Variants in RNF150 observed in about 807,000 individuals in gnomAD.
The protein encoded by RNF150 is ring finger protein 150.
Under a neutral mutation model 39.3 loss-of-function variants are expected in RNF150, and 24 were observed. The observed-to-expected ratio is 0.61, with a 90% CI of 0.44 to 0.86. RNF150 has a LOEUF of 0.86. RNF150 is among the 40% of genes least tolerant of loss of function. RNF150 has a pLI of 0.00. For synonymous variants in RNF150, 255 were observed against 227.3 expected (o/e 1.12, Z -1.10); for missense variants, 502 against 587.8 (o/e 0.85, Z 1.51).
intron 1 of RNF150, among the ~76,000 whole-genome samples, chr4:141,181,329 C>G (rs1233883960): frequency 6.6e-6 from 1 of 152,152 alleles, no homozygotes. Context: ...GTTAGCCTTT[C>G]ACATGAAAGA....
intron 1 of RNF150, among the ~76,000 whole-genome samples, chr4:141,116,450 A>T (rs532299178): frequency 2.6e-5 from 4 of 152,246 alleles, no homozygotes; most frequent in Admixed American, 6.5e-5. Flanking sequence ...ATACCATCTC[A>T]TTCCAGTTAG....
At chr4:141,011,090 T>G (rs1735058352) in intron 1 of RNF150, among the ~76,000 whole-genome samples, 3 of 152,098 alleles carry the variant, frequency 2.0e-5, no homozygotes, top group Admixed American at 6.6e-5. Context: ...AAACAAAATT[T>G]TCGTATTACT....
chr4:140,904,499 C>T (rs1001664303), intron 6 of RNF150, among the ~76,000 whole-genome samples: 7 of 152,210 alleles, frequency 4.6e-5, no homozygotes, highest in Admixed American at 2.0e-4. Flanking sequence ...GAGACTTCGC[C>T]ATTTCAGGCT....
chr4:141,188,841 G>A (rs1728057992), intron 1 of RNF150, among the ~76,000 whole-genome samples: 1 of 152,170 alleles, frequency 6.6e-6, no homozygotes, highest in South Asian at 2.1e-4. Flanking sequence ...TAGCTTGGAA[G>A]AGGTTTTTAT....
At chr4:141,175,006 T>C (rs1236938931) in intron 1 of RNF150, among the ~76,000 whole-genome samples, 1 of 152,130 alleles carries the variant, frequency 6.6e-6, no homozygotes, top group Non-Finnish European at 1.5e-5. Context: ...CATCACCTTC[T>C]GCTAAGATTT....
At chr4:141,180,815 G>A (rs1223113064) in intron 1 of RNF150, among the ~76,000 whole-genome samples, 2 of 152,058 alleles carry the variant, frequency 1.3e-5, no homozygotes, top group Non-Finnish European at 2.9e-5. Context: ...CTAGGGTGTT[G>A]TTTTCCTTTT....
chr4:140,916,207 C>T (rs575114266), intron 5 of RNF150, among the ~76,000 whole-genome samples: 125 of 152,256 alleles, frequency 8.2e-4, no homozygotes, highest in African/African-American at 1.7e-3. Context: ...ATGACTTTGA[C>T]GAGTTGAGAG....
At chr4:141,024,671 G>A (rs1296380001) in intron 1 of RNF150, among the ~76,000 whole-genome samples, 4 of 152,154 alleles carry the variant, frequency 2.6e-5, no homozygotes, top group Non-Finnish European at 2.9e-5. Context: ...GTGGCAATCC[G>A]GTGAGCAGAG....
chr4:141,033,544 G>A (rs1736030539), intron 1 of RNF150, among the ~76,000 whole-genome samples: 1 of 152,156 alleles, frequency 6.6e-6, no homozygotes, highest in South Asian at 2.1e-4. Context: ...TTAGGATGGT[G>A]AATCCTTTCC....
intron 1 of RNF150, among the ~76,000 whole-genome samples, chr4:141,156,836 C>T (rs182104785): frequency 9.9e-5 from 15 of 151,238 alleles, no homozygotes; most frequent in Middle Eastern, 3.5e-3. Context: ...GAACCTGGGA[C>T]GTAGAGCTTG....
intron 1 of RNF150, among the ~76,000 whole-genome samples, chr4:141,085,240 C>T (rs1189399408): frequency 6.6e-6 from 1 of 152,174 alleles, no homozygotes; most frequent in Non-Finnish European, 1.5e-5. Context: ...TCTGGTGAGA[C>T]TTACTCACTC....
intron 1 of RNF150, among the ~76,000 whole-genome samples, chr4:141,065,975 T>C (rs990832108): frequency 6.6e-6 from 1 of 152,100 alleles, no homozygotes; most frequent in African/African-American, 2.4e-5. Context: ...AAGCTGCTCC[T>C]GTTGAGGTAA....
rs1200626347 is a variant in RNF150, at chr4:140,860,265, G to T, written c.*7996C>A. On this transcript the variant is annotated 3_prime_UTR_variant, in exon 7 of 7. Coordinates refer to ENST00000515673, the MANE Select transcript of RNF150 (RefSeq NM_020724.2). ...CAGAAAAAATTTAAAAAACTACACT[G>T]CCTTAACTAATCATCTCAATATGCA... 6.6e-6 allele frequency: 1 copy of T among 151,892 alleles called. No homozygotes were observed. The highest frequency in any genetic ancestry group is 1.5e-5 in the Non-Finnish European group (1 of 67,990). 9.4% of individuals were successfully genotyped at this position (151,892 alleles called of 1,614,324 possible).
At chr4:140,926,102 G>A (rs751062622) in intron 4 of RNF150, 29 bp from the exon 5 acceptor site, 10 of 1,502,234 alleles carry the variant, frequency 6.7e-6, no homozygotes, top group East Asian at 2.3e-5. Flanking sequence ...ATCTTAGAGC[G>A]GCGGTAACTG....
chr4:140,878,168 T>TG (rs1729235181), intron 6 of RNF150, among the ~76,000 whole-genome samples: 1 of 101,180 alleles, frequency 9.9e-6, no homozygotes, highest in Non-Finnish European at 1.9e-5. Flanking sequence ...CATTGTGTTT[T>TG]TTTTTTTTTT....
chr4:141,042,307 G>A (rs1736401840), intron 1 of RNF150, among the ~76,000 whole-genome samples: 1 of 151,996 alleles, frequency 6.6e-6, no homozygotes, highest in African/African-American at 2.4e-5. Flanking sequence ...AGACAAATAC[G>A]ACTTAGTCAA....
chr4:140,979,522 A>G (rs1323677597), intron 1 of RNF150, among the ~76,000 whole-genome samples: 1 of 152,058 alleles, frequency 6.6e-6, no homozygotes, highest in East Asian at 1.9e-4. Flanking sequence ...CACACATTAC[A>G]TTCAGTAAGT....
intron 1 of RNF150, among the ~76,000 whole-genome samples, chr4:141,058,360 A>C (rs1351288350): frequency 6.6e-6 from 1 of 152,090 alleles, no homozygotes; most frequent in African/African-American, 2.4e-5. Context: ...AAAATCCCTT[A>C]CCCTTAATCT....
chr4:141,047,793 A>T (rs1452444165), intron 1 of RNF150, among the ~76,000 whole-genome samples: 1 of 152,074 alleles, frequency 6.6e-6, no homozygotes, highest in Non-Finnish European at 1.5e-5. Flanking sequence ...TTCTTTTAAA[A>T]TTATATATAT....
Sources: allele counts gnomAD v4.1 joint callset (sites outside exome capture counted in the v4.1 genomes callset), GRCh38; gene constraint gnomAD v4.1.1; transcripts MANE v1.5; gene names NCBI Gene and HGNC (gene_info 2026-07-23, HGNC 2026-07-21).